The following PDCD6IP variants were observed in gnomAD, a reference collection of about 807,000 sequenced individuals.
PDCD6IP encodes programmed cell death 6 interacting protein, also known as programmed cell death 6-interacting protein.
Under a neutral mutation model 103.7 loss-of-function variants are expected in PDCD6IP, and 43 were observed. The observed-to-expected ratio is 0.41, with a 90% confidence interval of 0.32 to 0.53. PDCD6IP has a LOEUF of 0.53. Ranked by LOEUF, PDCD6IP falls within the 20% of genes least tolerant of loss-of-function variation. The pLI, the probability that PDCD6IP is intolerant of heterozygous loss-of-function variation, is 0.16. For missense variants in PDCD6IP, 871 were observed against 1,036.7 expected, an observed-to-expected ratio of 0.84 and a Z score of 2.20; for synonymous variants, 354 against 378.7, an observed-to-expected ratio of 0.93 and a Z score of 0.76.
chr3:33,811,346 C>T (rs1032164170), intron 1 of PDCD6IP, among the ~76,000 whole-genome samples: 1 of 152,122 alleles, frequency 6.6e-6, no homozygotes, highest in African/African-American at 2.4e-5. Context: ...AAAATTTGCC[C>T]CCAGAAATAA....
intron 1 of PDCD6IP, among the ~76,000 whole-genome samples, chr3:33,804,437 T>A (rs530018130): frequency 6.6e-6 from 1 of 152,184 alleles, no homozygotes; most frequent in East Asian, 1.9e-4. Flanking sequence ...TAATGGAGAG[T>A]CTGTGTGAAC....
At chr3:33,857,076 C>G (rs895758578) in intron 15 of PDCD6IP, among the ~76,000 whole-genome samples, 3 of 152,010 alleles carry the variant, frequency 2.0e-5, no homozygotes, top group African/African-American at 7.3e-5. Flanking sequence ...AAGTTATTTT[C>G]TTCTACCTCT....
At chr3:33,811,546 T>TA (rs1696719040) in intron 1 of PDCD6IP, among the ~76,000 whole-genome samples, 1 of 152,202 alleles carries the variant, frequency 6.6e-6, no homozygotes, top group East Asian at 1.9e-4. Context: ...TTCTGGCTGC[T>TA]ATGCAGAAAA....
chr3:33,811,603 CTT>C (rs1450321907), intron 1 of PDCD6IP, among the ~76,000 whole-genome samples: 21 of 152,292 alleles, frequency 1.4e-4, no homozygotes, highest in African/African-American at 4.8e-4. Context: ...GTCTAGGAAA[CTT>C]TTGGATTTCT....
At chr3:33,803,868 T>C (rs1696533757) in intron 1 of PDCD6IP, among the ~76,000 whole-genome samples, 1 of 152,244 alleles carries the variant, frequency 6.6e-6, no homozygotes, top group South Asian at 2.1e-4. Flanking sequence ...TTTTTGGTTT[T>C]TCTAATATAT....
rs763450348 is a variant in PDCD6IP at position 33,842,066 on chromosome 3, C to T, written c.1351C>T (p.Leu451=). ...PELLQRNREI[L]DESLRLLDEE... ...ATTACTGCAACGAAATAGAGAAATC[C>T]TAGATGAGGTATGTTTTATAAGATT... Residue 451 remains leucine (L), a synonymous_variant, in exon 10 of 18, where the codon CTA becomes TTA. Transcript: ENST00000307296. 6.2e-7 allele frequency: 1 copy of T among 1,607,336 alleles called. No individual in the cohort carries two copies. Among genetic ancestry groups the T allele is most frequent in the Non-Finnish European group, 8.5e-7 (1 of 1,175,690 alleles).
rs1220523602 is a variant in PDCD6IP at position 33,805,971 on chromosome 3, T to TTGTGACCG, written c.210-6101_210-6100insTGTGACCG. ...CGTGTTAGCCAGGATGGTGTCGATC[T>TTGTGACCG]CCTGACCTTGTGATCCGCCTGTCTC... is the stretch of plus-strand genomic sequence containing the variant. On this transcript the variant is annotated intron_variant, in intron 1 of 17. Transcript: ENST00000307296. Among the ~76,000 whole-genome samples the TTGTGACCG allele has an allele frequency of 5.9e-5, 9 of 151,866 alleles. No individual in the cohort carries two copies. The East Asian group carries it at 1.8e-3, about 30-fold the overall frequency.
intron 12 of PDCD6IP, among the ~76,000 whole-genome samples, chr3:33,846,454 A>G (rs1697593699): frequency 1.3e-5 from 2 of 152,234 alleles, no homozygotes; most frequent in South Asian, 4.1e-4. Context: ...CCATTGTGGA[A>G]TATTAGTCAT....
At chr3:33,838,057 A>C in intron 8 of PDCD6IP, 147 bp from the exon 9 acceptor site, 3 of 692,524 alleles carry the variant, frequency 4.3e-6, no homozygotes, top group Non-Finnish European at 7.4e-6. Flanking sequence ...TGTGCTTTAA[A>C]TAGTGATTTA....
chr3:33,850,193 G>C (rs370994703), intron 12 of PDCD6IP, among the ~76,000 whole-genome samples: 1 of 152,136 alleles, frequency 6.6e-6, no homozygotes, highest in Non-Finnish European at 1.5e-5. Context: ...AATTTTCTTA[G>C]TAGTAACCTG....
intron 1 of PDCD6IP, among the ~76,000 whole-genome samples, chr3:33,801,720 T>A (rs1356000078): frequency 6.6e-6 from 1 of 152,236 alleles, no homozygotes; most frequent in Non-Finnish European, 1.5e-5. Context: ...CCTTGGTAAA[T>A]GGTGACCTAG....
At chr3:33,824,204 C>T (rs1697059135) in intron 4 of PDCD6IP, among the ~76,000 whole-genome samples, 1 of 151,776 alleles carries the variant, frequency 6.6e-6, no homozygotes. Context: ...CATTTTAATA[C>T]ATTTGACTTT....
intron 12 of PDCD6IP, among the ~76,000 whole-genome samples, chr3:33,850,342 T>C (rs2125571670): frequency 7.3e-6 from 1 of 137,378 alleles, no homozygotes; most frequent in South Asian, 2.4e-4. Context: ...GTTTCCATAT[T>C]CAAGTTTTGA....
intron 9 of PDCD6IP, 65 bp from the exon 10 acceptor site, chr3:33,841,832 G>A: frequency 1.9e-6 from 2 of 1,026,318 alleles, no homozygotes; most frequent in South Asian, 3.3e-5. Context: ...ATTAAATAAA[G>A]TAAGTATTGA....
At chr3:33,842,397 G>A (rs1429915647) in intron 10 of PDCD6IP, among the ~76,000 whole-genome samples, 1 of 152,096 alleles carries the variant, frequency 6.6e-6, no homozygotes, top group Non-Finnish European at 1.5e-5. Context: ...TTTATGCATA[G>A]CATGTAGCAA....
At chr3:33,841,596 G>T (rs1335265537) in intron 9 of PDCD6IP, among the ~76,000 whole-genome samples, 10 of 150,688 alleles carry the variant, frequency 6.6e-5, no homozygotes, top group Admixed American at 1.3e-4. Context: ...CCGCCACCAC[G>T]CCCGGCTAAT....
chr3:33,844,370 A>G, intron 11 of PDCD6IP, 147 bp downstream of exon 11: 2 of 458,434 alleles, frequency 4.4e-6, no homozygotes, highest in Non-Finnish European at 7.8e-6. Flanking sequence ...AAAAGTTCAC[A>G]AAAGTAATCT....
chr3:33,816,545 G>C (rs1696858564), intron 3 of PDCD6IP, among the ~76,000 whole-genome samples: 1 of 149,564 alleles, frequency 6.7e-6, no homozygotes, highest in Non-Finnish European at 1.5e-5. Context: ...ATCTCCAGGT[G>C]ATTCTGATGA....
chr3:33,826,126 C>T (rs1324534109), intron 5 of PDCD6IP, among the ~76,000 whole-genome samples: 1 of 152,020 alleles, frequency 6.6e-6, no homozygotes, highest in Non-Finnish European at 1.5e-5. Flanking sequence ...TTTAAAATAA[C>T]AGCTTATATT....
Sources: gnomAD v4.1 joint callset for allele counts (sites outside exome capture counted in the v4.1 genomes callset) on GRCh38, gnomAD v4.1.1 for gene constraint, MANE v1.5 for transcripts, NCBI Gene and HGNC (gene_info 2026-07-23, HGNC 2026-07-21) for gene names.